Variants in PPME1 observed in about 807,000 individuals in gnomAD.
PPME1 encodes protein phosphatase methylesterase 1, also known as testicular secretory protein Li 39.
PPME1 carries 17 observed loss-of-function variants against 56.9 expected under a neutral mutation model. The ratio of observed to expected loss-of-function variants is 0.30; its 90% confidence interval spans 0.20 to 0.45. The LOEUF (loss-of-function observed/expected upper bound fraction) is 0.45, where lower values mean the gene tolerates loss of function less well. Ranked by LOEUF, PPME1 falls within the 20% of genes least tolerant of loss-of-function variation. The probability of loss-of-function intolerance (pLI) is 1.00; values close to 1 mark genes in which losing one functional copy is unlikely to be tolerated. For missense variants in PPME1, 357 were observed against 483.2 expected, an observed-to-expected ratio of 0.74 and a Z score of 2.45; for synonymous variants, 122 against 156.2, an observed-to-expected ratio of 0.78 and a Z score of 1.63.
chr11:74,246,058 T>A lies in PPME1; in HGVS notation c.835-18T>A. The A allele has an allele frequency of 6.4e-7, 1 of 1,574,266 alleles. No homozygotes were observed. On this transcript the variant is annotated intron_variant, in intron 9 of 13. Transcript: ENST00000328257. ...GGGGTTGCCCTCGGAGACTCAGAACTTGCTCTTATTCCTCCAGACCAAGAA... is the reference window on the plus strand; with the variant it reads ...GGGGTTGCCCTCGGAGACTCAGAACATGCTCTTATTCCTCCAGACCAAGAA...
intron 10 of PPME1, 106 bp downstream of exon 10, chr11:74,246,311 C>G: frequency 8.2e-7 from 1 of 1,216,976 alleles, no homozygotes; most frequent in African/African-American, 1.6e-5. Context: ...GTTCTGGAGG[C>G]TGGAAGTCTG....
intron 9 of PPME1, among the ~76,000 whole-genome samples, chr11:74,241,256 G>A (rs1859351559): frequency 6.6e-6 from 1 of 152,102 alleles, no homozygotes; most frequent in Admixed American, 6.6e-5. Context: ...TTTTGTGACT[G>A]GCTTCTTTTC....
chr11:74,201,450 CTAA>C, intron 1 of PPME1, among the ~76,000 whole-genome samples: 1 of 152,142 alleles, frequency 6.6e-6, no homozygotes, highest in Admixed American at 6.5e-5. Context: ...AAGAAAACCT[CTAA>C]TAATGTGCAC....
At chr11:74,227,637 A>G (rs993047572) in intron 5 of PPME1, among the ~76,000 whole-genome samples, 2 of 152,216 alleles carry the variant, frequency 1.3e-5, no homozygotes, top group Non-Finnish European at 2.9e-5. Flanking sequence ...CTAGCATTAA[A>G]ATATGACAGA....
intron 1 of PPME1, among the ~76,000 whole-genome samples, chr11:74,190,966 G>A (rs1857821293): frequency 6.6e-6 from 1 of 152,236 alleles, no homozygotes; most frequent in Non-Finnish European, 1.5e-5. Context: ...GTGATCAAGA[G>A]TATCTGGCAG....
At chr11:74,200,736 A>T (rs1858140049) in intron 1 of PPME1, among the ~76,000 whole-genome samples, 1 of 152,118 alleles carries the variant, frequency 6.6e-6, no homozygotes, top group African/African-American at 2.4e-5. Flanking sequence ...TCTCTGTGGG[A>T]GTAGGAGCAA....
chr11:74,246,979 C>T, intron 10 of PPME1, 100 bp from the exon 11 acceptor site: 2 of 1,029,164 alleles, frequency 1.9e-6, no homozygotes, highest in South Asian at 2.8e-5. Flanking sequence ...TTGGTATAAA[C>T]ATGAATGGAG....
chr11:74,224,850 A>G (rs1045101831), intron 4 of PPME1, among the ~76,000 whole-genome samples: 2 of 149,698 alleles, frequency 1.3e-5, no homozygotes, highest in African/African-American at 2.5e-5. Context: ...TTGGGCTGAG[A>G]CAATGGGGTT....
Position 74,179,257 on chromosome 11 carries a change from C to T in PPME1, c.101+7735C>T, listed in dbSNP as rs190411577. On this transcript the variant is annotated intron_variant, in intron 1 of 13. Coordinates refer to ENST00000328257, the MANE Select transcript of PPME1 (RefSeq NM_016147.3). ...GCCTCGTTATCATGGAAAGAAAGAA[C>T]GCTTTGGCACCTGACGTACTTGTTT... 3.2e-3 allele frequency among the ~76,000 whole-genome samples: 492 copies of T among 152,298 alleles called. 3 individuals carry two copies. The Middle Eastern group carries it at 0.034, about 11-fold the overall frequency.
At chr11:74,189,318 C>G (rs7119052) in intron 1 of PPME1, among the ~76,000 whole-genome samples, 1,808 of 152,308 alleles carry the variant, frequency 0.012, 34 homozygotes, top group African/African-American at 0.042. Flanking sequence ...GAGACAAGGT[C>G]TCACTCTGTC....
At chr11:74,190,681 C>T (rs563785539) in intron 1 of PPME1, among the ~76,000 whole-genome samples, 1 of 152,176 alleles carries the variant, frequency 6.6e-6, no homozygotes, top group Non-Finnish European at 1.5e-5. Context: ...AGTTTTGGAA[C>T]TGGATAACGG....
chr11:74,251,106 C>A, intron 12 of PPME1, 88 bp downstream of exon 12: 2 of 1,534,846 alleles, frequency 1.3e-6, no homozygotes, highest in Non-Finnish European at 1.8e-6. Flanking sequence ...TCTCAGCCTG[C>A]ATTGCCTGCA....
In PPME1 at chr11:74,230,214, A is replaced by T. The variant is rs759399589; in HGVS notation, c.399-31A>T. 3.2e-6 allele frequency: 5 copies of T among 1,580,524 alleles called. No homozygotes were observed. The South Asian group carries it at 4.6e-5, about 15-fold the overall frequency. ...CATTTTTACAGTGTTGTCAGAAAGC[A>T]TTCTTAGATCTTTTTCTCTTCTCTT... On this transcript the variant is annotated intron_variant, in intron 5 of 13. Coordinates refer to ENST00000328257, the MANE Select transcript of PPME1 (RefSeq NM_016147.3). This position sits in a 1 kb window ranked among gnomAD's most constrained non-coding sequence, Gnocchi z 4.9.
intron 1 of PPME1, among the ~76,000 whole-genome samples, chr11:74,198,443 G>A (rs1205086383): frequency 4.0e-5 from 6 of 151,786 alleles, no homozygotes; most frequent in Non-Finnish European, 4.4e-5. Context: ...ACATTTTATC[G>A]ACTCTTCATT....
At chr11:74,213,281 T>TTGTCTTG (rs1858529917) in intron 3 of PPME1, among the ~76,000 whole-genome samples, 1 of 152,084 alleles carries the variant, frequency 6.6e-6, no homozygotes, top group Non-Finnish European at 1.5e-5. Flanking sequence ...AGGAAGGACT[T>TTGTCTTG]TGTCTTGTGA....
chr11:74,188,322 G>T (rs573633283), intron 1 of PPME1, among the ~76,000 whole-genome samples: 3 of 151,794 alleles, frequency 2.0e-5, no homozygotes, highest in East Asian at 3.9e-4. Flanking sequence ...GAGTAGCTGG[G>T]ATTACAGGCG....
At chr11:74,238,913 T>C in intron 8 of PPME1, 1 of 440,872 alleles carries the variant, frequency 2.3e-6, no homozygotes, top group Non-Finnish European at 4.1e-6. Flanking sequence ...TTTCTATGGG[T>C]CAGTATTGGT....
At chr11:74,222,594 T>C (rs1858826740) in intron 4 of PPME1, 1 of 466,968 alleles carries the variant, frequency 2.1e-6, no homozygotes, top group Admixed American at 3.5e-5. Flanking sequence ...GTTCAAGCAA[T>C]TATCCTGCCT....
chr11:74,215,273 G>A (rs1321170631), intron 3 of PPME1, among the ~76,000 whole-genome samples: 3 of 152,180 alleles, frequency 2.0e-5, no homozygotes, highest in Non-Finnish European at 4.4e-5. Flanking sequence ...CTGGGAGGCA[G>A]TGGTTGTAGT....
Sources: allele counts gnomAD v4.1 joint callset (sites outside exome capture counted in the v4.1 genomes callset), GRCh38; gene constraint gnomAD v4.1.1; non-coding constraint Gnocchi (gnomAD v3.1); transcripts MANE v1.5; gene names NCBI Gene and HGNC (gene_info 2026-07-23, HGNC 2026-07-21).